The following CARMIL1 variants were observed in gnomAD, a reference collection of about 807,000 sequenced individuals.
CARMIL1 encodes F-actin-uncapping protein LRRC16A.
A neutral mutation model predicts 177.1 loss-of-function variants in CARMIL1; 90 were observed. The ratio of observed to expected loss-of-function variants is 0.51; its 90% CI spans 0.43 to 0.61. The LOEUF (loss-of-function observed/expected upper bound fraction) is 0.61. Among genes scored for constraint, CARMIL1 ranks in the 20% least tolerant of loss-of-function variants. The probability of loss-of-function intolerance (pLI) is 0.00; values close to 1 mark genes in which losing one functional copy is unlikely to be tolerated. For missense variants in CARMIL1, 1,380 were observed against 1,667.0 expected, an observed-to-expected ratio of 0.83 and a Z score of 3.00; for synonymous variants, 577 against 606.2, an observed-to-expected ratio of 0.95 and a Z score of 0.71.
chr6:25,415,051 A>T (rs1357094270), intron 2 of CARMIL1, among the ~76,000 whole-genome samples: 2 of 152,362 alleles, frequency 1.3e-5, no homozygotes, highest in East Asian at 3.9e-4. Context: ...GTGAAGGTAG[A>T]AATGATCATT....
At chr6:25,486,331 G>A (rs1245724096) in intron 12 of CARMIL1, among the ~76,000 whole-genome samples, 1 of 152,124 alleles carries the variant, frequency 6.6e-6, no homozygotes, top group Non-Finnish European at 1.5e-5. Flanking sequence ...ATGAAGCTGA[G>A]CTGATAACAT....
chr6:25,465,007 T>C (rs1295265010), intron 8 of CARMIL1, among the ~76,000 whole-genome samples: 2 of 140,734 alleles, frequency 1.4e-5, no homozygotes, highest in East Asian at 2.1e-4. Flanking sequence ...AGAGCTGATA[T>C]GAAGCCTAAG....
chr6:25,339,305 C>T (rs9379757), intron 2 of CARMIL1, among the ~76,000 whole-genome samples: 2 of 152,046 alleles, frequency 1.3e-5, no homozygotes, highest in African/African-American at 2.4e-5. Context: ...TTCTGACTAG[C>T]GTATGAGGTT....
chr6:25,303,232 A>T (rs1207512395), intron 2 of CARMIL1, among the ~76,000 whole-genome samples: 1 of 152,056 alleles, frequency 6.6e-6, no homozygotes, highest in Non-Finnish European at 1.5e-5. Context: ...TGATAAAATT[A>T]TAATGCGTGA....
intron 2 of CARMIL1, among the ~76,000 whole-genome samples, chr6:25,312,915 A>C (rs9461133): frequency 2.5e-5 from 3 of 118,202 alleles, no homozygotes; most frequent in Admixed American, 8.1e-5. Flanking sequence ...TAAAAAAAAA[A>C]AAAAAAAAAA....
intron 2 of CARMIL1, among the ~76,000 whole-genome samples, chr6:25,411,803 T>C (rs753109738): frequency 6.6e-6 from 1 of 152,156 alleles, no homozygotes. Context: ...GACCGCCTAT[T>C]GAAGAAGCAC....
chr6:25,475,657 C>T (rs1310511940), intron 11 of CARMIL1, among the ~76,000 whole-genome samples: 3 of 152,196 alleles, frequency 2.0e-5, no homozygotes, highest in Admixed American at 6.5e-5. Context: ...CTGACACATG[C>T]CACATCATGG....
intron 2 of CARMIL1, among the ~76,000 whole-genome samples, chr6:25,293,264 T>TGG (rs1031432164): frequency 1.3e-4 from 7 of 55,286 alleles, no homozygotes; most frequent in South Asian, 8.6e-4. Context: ...GAAGGATGCT[T>TGG]GGTGTGTGTG....
chr6:25,406,505 A>G (rs556976670), intron 2 of CARMIL1, among the ~76,000 whole-genome samples: 3 of 152,190 alleles, frequency 2.0e-5, no homozygotes, highest in Non-Finnish European at 4.4e-5. Context: ...TTGAGGGGGC[A>G]GGAGTGGATC....
chr6:25,303,564 T>C (rs1411658470), intron 2 of CARMIL1, among the ~76,000 whole-genome samples: 1 of 152,244 alleles, frequency 6.6e-6, no homozygotes, highest in East Asian at 1.9e-4. Context: ...AACATGTACA[T>C]TTCTTGAAGC....
At chr6:25,330,688 T>TTAAA (rs777737334) in intron 2 of CARMIL1, among the ~76,000 whole-genome samples, 1 of 142,578 alleles carries the variant, frequency 7.0e-6, no homozygotes, top group South Asian at 2.2e-4. Context: ...CCATCTCTAT[T>TTAAA]AAAAAAAAAA....
At chr6:25,470,332 G>A (rs2038746) in intron 9 of CARMIL1, among the ~76,000 whole-genome samples, 2,598 of 152,204 alleles carry the variant, frequency 0.017, 30 homozygotes, top group Non-Finnish European at 0.026. Flanking sequence ...GTTTTATAAT[G>A]AAATACACAT....
At chr6:25,522,269 C>G (rs1313079943) in intron 23 of CARMIL1, among the ~76,000 whole-genome samples, 1 of 152,190 alleles carries the variant, frequency 6.6e-6, no homozygotes, top group African/African-American at 2.4e-5. Context: ...AGACTAAAAT[C>G]TTTACTCTAT....
At chr6:25,473,745 G>T (rs1801275590) in intron 11 of CARMIL1, among the ~76,000 whole-genome samples, 1 of 152,160 alleles carries the variant, frequency 6.6e-6, no homozygotes, top group Non-Finnish European at 1.5e-5. Flanking sequence ...CAAGGAAATT[G>T]CACAGGGCGT....
At chr6:25,479,021 A>G (rs1582091122) in intron 11 of CARMIL1, 1 of 461,800 alleles carries the variant, frequency 2.2e-6, no homozygotes, top group South Asian at 1.7e-5. Context: ...TAGAAATGTA[A>G]AAATTTTTAC....
intron 11 of CARMIL1, among the ~76,000 whole-genome samples, chr6:25,474,920 A>G (rs1017793950): frequency 7.2e-5 from 11 of 152,232 alleles, no homozygotes; most frequent in African/African-American, 2.4e-4. Context: ...AAGATGGACC[A>G]GGAAGGGGAC....
intron 17 of CARMIL1, among the ~76,000 whole-genome samples, chr6:25,505,432 G>A (rs1582178028): frequency 6.6e-6 from 1 of 152,144 alleles, no homozygotes; most frequent in East Asian, 1.9e-4. Context: ...AGTATCTGAA[G>A]AGAGGCAGTG....
rs751176914 is a variant in CARMIL1, at chr6:25,606,176, C to T, written c.3750C>T (p.Ser1250=). 1.9e-6 allele frequency: 3 copies of T among 1,613,974 alleles called. No homozygotes were observed. The highest frequency in any genetic ancestry group is 2.5e-6 in the Non-Finnish European group (3 of 1,179,882). The part of the protein sequence containing the change: ...EAGSRSRSSS[S]TPTSPKPLLQ... ...GCTCCAGGTCTCGGAGCTCATCCAGCACACCTACGAGCCCGAAGCCCCTCC... is the reference window on the plus strand; with the variant it reads ...GCTCCAGGTCTCGGAGCTCATCCAGTACACCTACGAGCCCGAAGCCCCTCC... Residue 1250 remains serine (S), a synonymous_variant, in exon 35 of 37, where the codon AGC becomes AGT. Transcript: ENST00000329474.
intron 9 of CARMIL1, among the ~76,000 whole-genome samples, chr6:25,470,056 A>G (rs1800965673): frequency 6.6e-6 from 1 of 152,180 alleles, no homozygotes; most frequent in African/African-American, 2.4e-5. Flanking sequence ...CTTGTTTAAC[A>G]TATATGCATA....
Sources: allele counts gnomAD v4.1 joint callset (sites outside exome capture counted in the v4.1 genomes callset), GRCh38; gene constraint gnomAD v4.1.1; transcripts MANE v1.5; gene names NCBI Gene and HGNC (gene_info 2026-07-23, HGNC 2026-07-21).